GALNT17: variants seen among roughly 807,000 people sequenced by gnomAD.
GALNT17 encodes the protein polypeptide N-acetylgalactosaminyltransferase 17.
GALNT17 carries 29 observed loss-of-function variants against 63.7 expected under a neutral mutation model. The observed-to-expected ratio is 0.46, with a 90% CI of 0.34 to 0.62. The LOEUF (loss-of-function observed/expected upper bound fraction) is 0.62, where lower values mean the gene tolerates loss of function less well. Ranked by LOEUF, GALNT17 falls within the 20% of genes least tolerant of loss-of-function variation. GALNT17 has a pLI of 0.01. For missense variants in GALNT17, 603 were observed against 799.6 expected (o/e 0.75, Z 2.97); for synonymous variants, 305 against 318.3 (o/e 0.96, Z 0.45).
intron 5 of GALNT17, among the ~76,000 whole-genome samples, chr7:71,550,219 G>A (rs1262504856): frequency 6.6e-6 from 1 of 151,986 alleles, no homozygotes; most frequent in Non-Finnish European, 1.5e-5. Flanking sequence ...TTACAACCTA[G>A]AAATAATGAT....
intron 1 of GALNT17, among the ~76,000 whole-genome samples, chr7:71,142,941 CAAA>C (rs58537746): frequency 4.6e-4 from 57 of 123,284 alleles, no homozygotes; most frequent in Middle Eastern, 4.2e-3. Flanking sequence ...ACTCTTGTCT[CAAA>C]AAAAAAAAAA....
intron 6 of GALNT17, among the ~76,000 whole-genome samples, chr7:71,639,051 A>G (rs1790568454): frequency 6.6e-6 from 1 of 152,210 alleles, no homozygotes; most frequent in African/African-American, 2.4e-5. Context: ...ATAGTCTATA[A>G]CAACTCAATT....
intron 5 of GALNT17, among the ~76,000 whole-genome samples, chr7:71,563,589 T>G (rs1352544700): frequency 1.3e-5 from 2 of 152,100 alleles, no homozygotes; most frequent in South Asian, 4.2e-4. Flanking sequence ...CTTTTTTTTT[T>G]CTTTTTAAAT....
At chr7:71,372,069 C>CT (rs930218506) in intron 2 of GALNT17, among the ~76,000 whole-genome samples, 187 of 152,336 alleles carry the variant, frequency 1.2e-3, no homozygotes, top group African/African-American at 4.3e-3. Flanking sequence ...CCATCTTGAA[C>CT]TTGTAGGCTC....
intron 1 of GALNT17, among the ~76,000 whole-genome samples, chr7:71,330,352 C>T (rs886318857): frequency 4.6e-5 from 7 of 151,834 alleles, no homozygotes; most frequent in African/African-American, 1.7e-4. Context: ...GAAACTTGAA[C>T]ACTTAGTTAT....
chr7:71,351,116 G>T (rs1279032933), intron 2 of GALNT17, among the ~76,000 whole-genome samples: 1 of 151,904 alleles, frequency 6.6e-6, no homozygotes, highest in Non-Finnish European at 1.5e-5. Context: ...ACTCAAGCCT[G>T]GGTGACAAGA....
intron 6 of GALNT17, among the ~76,000 whole-genome samples, chr7:71,633,902 C>T (rs78947082): frequency 0.013 from 1,904 of 152,296 alleles, 45 homozygotes; most frequent in African/African-American, 0.044. Context: ...GAGCCAGCCC[C>T]GGGCAAGGCA....
chr7:71,449,108 C>CTTTGTTTT (rs1787211225), intron 5 of GALNT17, among the ~76,000 whole-genome samples: 1 of 72,754 alleles, frequency 1.4e-5, no homozygotes, highest in South Asian at 5.9e-4. Flanking sequence ...TGCCTATTTT[C>CTTTGTTTT]TTTTTTTTTT....
At chr7:71,488,169 TAAA>T (rs1343277575) in intron 5 of GALNT17, among the ~76,000 whole-genome samples, 2 of 123,544 alleles carry the variant, frequency 1.6e-5, no homozygotes, top group Admixed American at 8.8e-5. Flanking sequence ...CCCTATCTCT[TAAA>T]AAAAAAAAAA....
chr7:71,681,846 C>T (rs920640127), intron 9 of GALNT17, among the ~76,000 whole-genome samples: 3 of 152,182 alleles, frequency 2.0e-5, no homozygotes, highest in African/African-American at 7.2e-5. Context: ...CATAGCTTCC[C>T]CATGTGGCTC....
chr7:71,588,902 A>T (rs1171365822), intron 6 of GALNT17, among the ~76,000 whole-genome samples: 1 of 152,020 alleles, frequency 6.6e-6, no homozygotes, highest in Non-Finnish European at 1.5e-5. Flanking sequence ...CCCTCCCCCA[A>T]ATTACCCTAT....
intron 6 of GALNT17, among the ~76,000 whole-genome samples, chr7:71,654,045 C>A (rs1170127458): frequency 6.6e-6 from 1 of 152,062 alleles, no homozygotes; most frequent in African/African-American, 2.4e-5. Flanking sequence ...GAAATGGAAT[C>A]TGGCTCTTCA....
intron 5 of GALNT17, among the ~76,000 whole-genome samples, chr7:71,477,033 G>T (rs774089877): frequency 2.0e-5 from 3 of 152,162 alleles, no homozygotes; most frequent in Non-Finnish European, 2.9e-5. Flanking sequence ...GGGTGTTGGT[G>T]CAAGGATGAG....
intron 4 of GALNT17, among the ~76,000 whole-genome samples, chr7:71,416,355 TA>T (rs1454951393): frequency 6.6e-6 from 1 of 152,190 alleles, no homozygotes; most frequent in Non-Finnish European, 1.5e-5. Context: ...CTTGCGCCTG[TA>T]ATCCCTACAC....
intron 2 of GALNT17, among the ~76,000 whole-genome samples, chr7:71,336,032 C>CTTTTTTTTTTTT (rs1167623885): frequency 4.7e-5 from 1 of 21,290 alleles, no homozygotes; most frequent in African/African-American, 1.9e-4. Flanking sequence ...TTCTTTCTTC[C>CTTTTTTTTTTTT]TTTTTTTTTT....
intron 1 of GALNT17, among the ~76,000 whole-genome samples, chr7:71,144,244 GCTC>G (rs1335406377): frequency 6.6e-6 from 1 of 151,974 alleles, no homozygotes; most frequent in African/African-American, 2.4e-5. Flanking sequence ...CCCCTTGTCA[GCTC>G]CTCGAGTATC....
chr7:71,661,222 A>T (rs1407070636), intron 6 of GALNT17, among the ~76,000 whole-genome samples: 7 of 152,126 alleles, frequency 4.6e-5, no homozygotes, highest in Non-Finnish European at 1.0e-4. Context: ...AGGAAGGGCC[A>T]GTGTCTGCTG....
At chr7:71,586,846 A>T (rs1249580667) in intron 6 of GALNT17, among the ~76,000 whole-genome samples, 1 of 152,158 alleles carries the variant, frequency 6.6e-6, no homozygotes. Flanking sequence ...AGTCATAAAT[A>T]TTTGACTTTT....
chr7:71,589,951 A>G (rs1584073583), intron 6 of GALNT17, among the ~76,000 whole-genome samples: 1 of 152,348 alleles, frequency 6.6e-6, no homozygotes, highest in Non-Finnish European at 1.5e-5. Context: ...TGATGCTTGT[A>G]TATAATGCAT....
Sources: allele counts gnomAD v4.1 joint callset (sites outside exome capture counted in the v4.1 genomes callset), GRCh38; gene constraint gnomAD v4.1.1; transcripts MANE v1.5; gene names NCBI Gene and HGNC (gene_info 2026-07-23, HGNC 2026-07-21).